Variants in LRRC9 observed in about 807,000 individuals in gnomAD.
The protein encoded by LRRC9 is leucine rich repeat containing 9.
Under a neutral mutation model 63.2 loss-of-function variants are expected in LRRC9, and 122 were observed. The ratio of observed to expected loss-of-function variants is 1.93; its 90% CI spans 1.67 to 2.24. The LOEUF (loss-of-function observed/expected upper bound fraction) is 2.24. Among genes scored for constraint, LRRC9 ranks in the 30% most tolerant of loss-of-function variants. The pLI is 0.00. For missense variants in LRRC9, 1,071 were observed against 627.7 expected (o/e 1.71, Z -7.55); for synonymous variants, 366 against 213.1 (o/e 1.72, Z -6.25).
At chr14:59,968,731 G>A (rs911556527) in intron 12 of LRRC9, among the ~76,000 whole-genome samples, 25 of 152,252 alleles carry the variant, frequency 1.6e-4, no homozygotes, top group African/African-American at 5.5e-4. Flanking sequence ...GAGGGTAAGG[G>A]AAGGATGAGG....
chr14:59,982,012 TA>T lies in LRRC9; in HGVS notation c.2047del (p.Thr683GlnfsTer15). 2 of 702,568 alleles carry T rather than the reference TA, an allele frequency of 2.8e-6. No homozygotes were observed. The highest frequency in any genetic ancestry group is 4.0e-5 in the Admixed American group (2 of 50,006). The allele number at this position is 702,568 out of a possible 1,614,324, so 43.5% of individuals were successfully genotyped here. A position where few individuals can be genotyped will look rare whatever the true frequency, so the allele number is the denominator to read the frequency against. ...GACCAAAACTGATTAGTTTGGATGATAAAACAATACTTTCCCTTGCAAAGAC... is the reference window on the plus strand; with the variant it reads ...GACCAAAACTGATTAGTTTGGATGATAAACAATACTTTCCCTTGCAAAGAC... On this transcript the variant is annotated frameshift_variant, in exon 16 of 32. Transcript: ENST00000445360. LOFTEE classifies it high-confidence loss of function.
In LRRC9 at chr14:59,993,789, G is replaced by A. The variant is rs1016117432; in HGVS notation, c.2212-3867G>A. Among the ~76,000 whole-genome samples the A allele has an allele frequency of 4.6e-5, 7 of 152,066 alleles. No individual in the cohort carries two copies. In the East Asian group the frequency reaches 9.6e-4, roughly 21 times the overall value. On this transcript the variant is annotated intron_variant, in intron 17 of 31. Coordinates refer to ENST00000445360, the Ensembl canonical transcript of LRRC9. ...TATCCTAAATATATATGCACCCAAT[G>A]CAGGAGCACCCAGATTCATAAAGCA...
At chr14:60,022,806 A>C (rs1263705154) in exon 27 of LRRC9, 10 of 687,444 alleles carry the variant, frequency 1.5e-5, no homozygotes, top group Non-Finnish European at 2.4e-5. Context: ...GCTACAATGG[A>C]ATTTGTAATT....
rs1312243196 is a variant in LRRC9, at chr14:60,003,671, A to G, written c.2715A>G (p.Leu905=). The G allele has an allele frequency of 5.8e-6, 4 of 694,484 alleles. No individual in the cohort carries two copies. Among genetic ancestry groups the G allele is most frequent in the South Asian group, 3.1e-5 (2 of 64,934 alleles). The allele number at this position is 694,484 out of a possible 1,614,324, so 43.0% of individuals were successfully genotyped here. The change falls in exon 21 of 32, where the codon TTA becomes TTG. Residue 905 remains leucine (L), a synonymous_variant. Transcript: ENST00000445360. The surrounding 1 kb of genome is among the most constrained non-coding windows in gnomAD (Gnocchi z 4.2). ...AACATCTTTTTGAAATCACAAATTT[A>G]GAAAAATTGGAAAATTTGAAATGGG...
chr14:59,977,310 G>C lies in LRRC9; in HGVS notation c.1725G>C (p.Met575Ile), dbSNP rs944965028. 6 of 699,100 alleles carry C rather than the reference G, an allele frequency of 8.6e-6. No homozygotes were observed. The East Asian group carries it at 1.6e-4, about 19-fold the overall frequency. 43.3% of individuals were successfully genotyped at this position (699,100 alleles called of 1,614,324 possible). The change falls in exon 14 of 32, where the codon ATG becomes ATC. Residue 575 changes from methionine to isoleucine, a missense_variant. Coordinates refer to ENST00000445360, the Ensembl canonical transcript of LRRC9. ...CCATCAGTCAATCCAACTATCCAAT[G>C]GTTAATTCAGTGTTCATTCCTCGGA...
At chr14:60,043,299 C>T (rs1466866792) in intron 29 of LRRC9, among the ~76,000 whole-genome samples, 1 of 152,162 alleles carries the variant, frequency 6.6e-6, no homozygotes, top group Non-Finnish European at 1.5e-5. Flanking sequence ...TTTCTCTTGT[C>T]TAATTGCTCC....
chr14:59,944,187 G>A (rs1384014341), intron 7 of LRRC9, among the ~76,000 whole-genome samples: 2 of 151,760 alleles, frequency 1.3e-5, no homozygotes, highest in Non-Finnish European at 3.0e-5. Flanking sequence ...GAGTAATGTT[G>A]TATTTGCTTT....
Position 59,922,749 on chromosome 14 carries a change from C to CT in LRRC9, c.-34+2868dup. ...CAAGATCATCTACTGAGAGAGAGAC[C>CT]TTGAAAAGAGTGGTGAAAGTTTAGA... On this transcript the variant is annotated intron_variant, in intron 1 of 31. Transcript: ENST00000445360. This position sits in a 1 kb window ranked among gnomAD's most constrained non-coding sequence, Gnocchi z 5.3. Among the ~76,000 whole-genome samples the CT allele has an allele frequency of 6.6e-6, 1 of 152,134 alleles. No homozygotes were observed.
At chr14:59,952,576 A>G (rs916010731) in intron 8 of LRRC9, among the ~76,000 whole-genome samples, 1 of 152,202 alleles carries the variant, frequency 6.6e-6, no homozygotes, top group African/African-American at 2.4e-5. Context: ...ACAGATAACT[A>G]TTAAATTTCC....
rs142740244 is a variant in LRRC9 at position 59,937,472 on chromosome 14, A to G, written c.544-918A>G. Among the ~76,000 whole-genome samples the G allele has an allele frequency of 5.1e-3, 778 of 152,258 alleles. 13 individuals are homozygous for G. Among genetic ancestry groups the G allele is most frequent in the African/African-American group, 0.018 (734 of 41,554 alleles). ...CATCTATCCCAACGCTGGGGGATGA[A>G]ACAAGGCTCCCAGGGAATATGACAC... On this transcript the variant is annotated intron_variant, in intron 6 of 31. Transcript: ENST00000445360.
intron 7 of LRRC9, among the ~76,000 whole-genome samples, chr14:59,939,026 C>T (rs1031161667): frequency 5.1e-5 from 7 of 138,550 alleles, no homozygotes; most frequent in African/African-American, 1.6e-4. Flanking sequence ...TATATATATA[C>T]ATATATACAC....
chr14:59,987,281 G>A (rs1056877555), intron 17 of LRRC9, among the ~76,000 whole-genome samples: 10 of 150,662 alleles, frequency 6.6e-5, no homozygotes, highest in African/African-American at 2.4e-4. Flanking sequence ...GTTTGGTTTT[G>A]CCATTTTTAA....
rs555321838 is a variant in LRRC9 at position 59,952,922 on chromosome 14, TC to T, written c.883-6894del. ...GAAAATGTGGTGTTTGGTTTTCTGTTCCTGTGTTAGTTTGCTGAGAGTGATG... is the reference window on the plus strand; with the variant it reads ...GAAAATGTGGTGTTTGGTTTTCTGTTCTGTGTTAGTTTGCTGAGAGTGATG... On this transcript the variant is annotated intron_variant, in intron 8 of 31. Transcript: ENST00000445360. Among the ~76,000 whole-genome samples, 411 of 152,284 alleles carry T rather than the reference TC, an allele frequency of 2.7e-3. 1 individual carries two copies. Among genetic ancestry groups the T allele is most frequent in the African/African-American group, 9.3e-3 (388 of 41,536 alleles).
rs1039828135 is a variant in LRRC9, at chr14:59,938,013, T to A, written c.544-377T>A. 6.6e-6 allele frequency among the ~76,000 whole-genome samples: 1 copy of A among 151,992 alleles called. No homozygotes were observed. Among genetic ancestry groups the A allele is most frequent in the Non-Finnish European group, 1.5e-5 (1 of 67,976 alleles). On this transcript the variant is annotated intron_variant, in intron 6 of 31. Transcript: ENST00000445360. The surrounding 1 kb of genome is among the most constrained non-coding windows in gnomAD (Gnocchi z 4.2). ...AAGAGGAGTGTTTCTAGGTGATAAG[T>A]ACAGGAAATAGGGGTGAAGAAATCA...
At position 60,053,233 on chromosome 14, in the gene LRRC9, C is replaced by T; in HGVS notation, c.4131+28C>T. 1 of 684,494 alleles carries T rather than the reference C, an allele frequency of 1.5e-6. No individual in the cohort carries two copies. The highest frequency in any genetic ancestry group is 2.7e-6 in the Non-Finnish European group (1 of 375,854). The allele number at this position is 684,494 out of a possible 1,614,324, so 42.4% of individuals were successfully genotyped here. A position where few individuals can be genotyped will look rare whatever the true frequency, so the allele number is the denominator to read the frequency against. ...AATAATTATATTATTTACAATTTTC[C>T]TTTTGAAGCACATTAATGGTTAGTA... On this transcript the variant is annotated intron_variant, in intron 30 of 31. Transcript: ENST00000445360. The surrounding 1 kb of genome is among the most constrained non-coding windows in gnomAD (Gnocchi z 4.8).
chr14:60,008,333 T>C (rs1393124048), intron 23 of LRRC9, 119 bp downstream of exon 23: 3 of 506,196 alleles, frequency 5.9e-6, no homozygotes. Flanking sequence ...ACTATACTTA[T>C]TAAATCTAGG....
intron 12 of LRRC9, among the ~76,000 whole-genome samples, chr14:59,969,673 G>C (rs756427308): frequency 2.0e-5 from 3 of 152,156 alleles, no homozygotes; most frequent in Admixed American, 1.3e-4. Flanking sequence ...CACTTTTCTA[G>C]TTGGAAGAGG....
At chr14:59,967,594 C>T (rs1884990645) in intron 12 of LRRC9, among the ~76,000 whole-genome samples, 1 of 152,110 alleles carries the variant, frequency 6.6e-6, no homozygotes, top group South Asian at 2.1e-4. Context: ...TATTGCTTTC[C>T]TTTTACTGCT....
rs1467840238 is a variant in LRRC9, at chr14:59,942,709, CAG to C, written c.727-1877_727-1876del. Among the ~76,000 whole-genome samples the C allele has an allele frequency of 1.3e-5, 2 of 152,110 alleles. No homozygotes were observed. The highest frequency in any genetic ancestry group is 2.1e-4 in the South Asian group (1 of 4,830). ...CACCACTGCACTTCAGCCTGGGTGACAGAGTGAGACTCCGTCTCAAAAAAAAG... is the reference window on the plus strand; with the variant it reads ...CACCACTGCACTTCAGCCTGGGTGACAGTGAGACTCCGTCTCAAAAAAAAG... On this transcript the variant is annotated intron_variant, in intron 7 of 31. Transcript: ENST00000445360. The surrounding 1 kb of genome is among the most constrained non-coding windows in gnomAD (Gnocchi z 5.3).
Sources: allele counts gnomAD v4.1 joint callset (sites outside exome capture counted in the v4.1 genomes callset), GRCh38; gene constraint gnomAD v4.1.1; non-coding constraint Gnocchi (gnomAD v3.1); transcripts MANE v1.5; gene names NCBI Gene and HGNC (gene_info 2026-07-23, HGNC 2026-07-21).